Variants in ZNF76 observed in about 807,000 individuals in gnomAD.
ZNF76 encodes the protein zinc finger protein 523.
In ZNF76, 66 loss-of-function variants were observed where a neutral mutation model predicts 66.9. The ratio of observed to expected loss-of-function variants is 0.99; its 90% CI spans 0.81 to 1.21. The LOEUF (loss-of-function observed/expected upper bound fraction) is 1.21. ZNF76 is among the 50% of genes most tolerant of loss of function. ZNF76 has a pLI of 0.00. For missense variants in ZNF76, 729 were observed against 760.3 expected (o/e 0.96, Z 0.48); for synonymous variants, 275 against 296.1 (o/e 0.93, Z 0.73).
In ZNF76 at chr6:35,291,686, C is replaced by A. The variant is rs372862207; in HGVS notation, c.880C>A (p.Arg294Ser). The A allele has an allele frequency of 6.2e-7, 1 of 1,613,280 alleles. No homozygotes were observed. The highest frequency in any genetic ancestry group is 1.3e-5 in the African/African-American group (1 of 75,020). The change falls in exon 9 of 14, where the codon CGC becomes AGC. Residue 294 changes from arginine to serine, a missense_variant. By Grantham distance (110) the Arg-to-Ser change is moderately radical. Transcript: ENST00000373953. ...PYTCPEPHCGRGFTSATNYKN... is the reference protein window; with the variant it reads ...PYTCPEPHCGSGFTSATNYKN... ...CACCTGCCCGGAGCCCCACTGTGGC[C>A]GCGGCTTCACCAGCGCCACCAACTA...
At chr6:35,270,982 A>G (rs2150345948) in intron 1 of ZNF76, among the ~76,000 whole-genome samples, 1 of 137,910 alleles carries the variant, frequency 7.3e-6, no homozygotes. Flanking sequence ...ACTTCGTCTC[A>G]TAAATAAATA....
intron 1 of ZNF76, among the ~76,000 whole-genome samples, chr6:35,270,039 C>T (rs1195225430): frequency 2.0e-5 from 3 of 152,218 alleles, no homozygotes; most frequent in African/African-American, 7.2e-5. Flanking sequence ...CATAGATATT[C>T]CTGTAACCAA....
At chr6:35,273,849 T>C (rs1399057886) in intron 1 of ZNF76, among the ~76,000 whole-genome samples, 1 of 124,716 alleles carries the variant, frequency 8.0e-6, no homozygotes, top group Non-Finnish European at 1.8e-5. Flanking sequence ...TGGCGCTTCT[T>C]CTTTTAAAAA....
At chr6:35,267,697 A>G (rs1786363013) in intron 1 of ZNF76, among the ~76,000 whole-genome samples, 1 of 152,200 alleles carries the variant, frequency 6.6e-6, no homozygotes, top group African/African-American at 2.4e-5. Context: ...TTGTGGCTTC[A>G]CTGCCAAGTG....
chr6:35,291,554 A>G lies in ZNF76; in HGVS notation c.752-4A>G, dbSNP rs1425644889. On this transcript the variant is annotated splice_polypyrimidine_tract_variant and splice_region_variant and intron_variant, in intron 8 of 13. Transcript: ENST00000373953. Reference sequence around the variant, plus strand: ...CCCCTCCTCACATCCCACCATTTGCATAGGTGAACGCCCGTTCCAGTGCCC... The same window carrying G: ...CCCCTCCTCACATCCCACCATTTGCGTAGGTGAACGCCCGTTCCAGTGCCC... The G allele has an allele frequency of 3.1e-6, 5 of 1,611,142 alleles. No homozygotes were observed. The highest frequency in any genetic ancestry group is 1.7e-5 in the Admixed American group (1 of 59,962).
chr6:35,293,772 C>T lies in ZNF76; in HGVS notation c.1351C>T (p.Leu451=). The change falls in exon 12 of 14, where the codon CTG becomes TTG. Residue 451 remains leucine, a synonymous_variant. Coordinates refer to ENST00000373953, the MANE Select transcript of ZNF76 (RefSeq NM_003427.5). ...AQQVSLSPED[L]QALGSAISMV... ...GCAGGTCAGCCTGTCCCCGGAAGAC[C>T]TGCAGGCCCTGGGGAGTGCCATCAG... 1 of 1,614,098 alleles carries T rather than the reference C, an allele frequency of 6.2e-7. No homozygotes were observed. The highest frequency in any genetic ancestry group is 8.5e-7 in the Non-Finnish European group (1 of 1,180,002).
intron 5 of ZNF76, among the ~76,000 whole-genome samples, chr6:35,289,536 A>C (rs1256104613): frequency 1.3e-5 from 2 of 152,192 alleles, no homozygotes; most frequent in Non-Finnish European, 2.9e-5. Context: ...AGACTAAGGG[A>C]TAGTCCCACC....
chr6:35,271,576 A>G (rs1208347201), intron 1 of ZNF76, among the ~76,000 whole-genome samples: 2 of 152,080 alleles, frequency 1.3e-5, no homozygotes, highest in East Asian at 3.9e-4. Flanking sequence ...AGGCTGAGGC[A>G]GGAGAATCAC....
chr6:35,291,668 C>T lies in ZNF76; in HGVS notation c.862C>T (p.Pro288Ser). The T allele has an allele frequency of 6.2e-7, 1 of 1,613,838 alleles. No individual in the cohort carries two copies. The change falls in exon 9 of 14, where the codon CCG (proline) becomes TCG (serine). Residue 288 changes from proline (P) to serine (S), a missense_variant. Physicochemically the swap from Pro to Ser is moderately conservative, Grantham distance 74. Transcript: ENST00000373953. ...THTGERPYTCPEPHCGRGFTS... is the reference protein window; with the variant it reads ...THTGERPYTCSEPHCGRGFTS... ...CACAGGCGAGAGGCCCTACACCTGC[C>T]CGGAGCCCCACTGTGGCCGCGGCTT...
At chr6:35,270,751 G>A (rs1456787413) in intron 1 of ZNF76, among the ~76,000 whole-genome samples, 1 of 152,078 alleles carries the variant, frequency 6.6e-6, no homozygotes. Flanking sequence ...TAGAGATGGG[G>A]TTTCACCATG....
At chr6:35,293,721 T>G in intron 11 of ZNF76, 30 bp from the exon 12 acceptor site, 1 of 1,610,304 alleles carries the variant, frequency 6.2e-7, no homozygotes, top group South Asian at 1.1e-5. Context: ...CCACTGACAC[T>G]GCCAGCTCAT....
At chr6:35,278,314 A>G (rs1013724270) in intron 1 of ZNF76, among the ~76,000 whole-genome samples, 1 of 152,132 alleles carries the variant, frequency 6.6e-6, no homozygotes, top group Non-Finnish European at 1.5e-5. Flanking sequence ...GATTACAGGC[A>G]TGTGCCACCA....
chr6:35,264,544 T>G (rs1445656864), intron 1 of ZNF76, among the ~76,000 whole-genome samples: 4 of 152,236 alleles, frequency 2.6e-5, no homozygotes, highest in Non-Finnish European at 5.9e-5. Flanking sequence ...AGGTTCATTA[T>G]ACCATTCTTT....
intron 1 of ZNF76, among the ~76,000 whole-genome samples, chr6:35,268,415 ATTAGT>A (rs1194756597): frequency 6.6e-6 from 1 of 152,154 alleles, no homozygotes; most frequent in African/African-American, 2.4e-5. Context: ...CACCCACAAA[ATTAGT>A]TTAGAGGAGA....
chr6:35,263,505 A>G (rs1785549138), intron 1 of ZNF76, among the ~76,000 whole-genome samples: 1 of 152,202 alleles, frequency 6.6e-6, no homozygotes, highest in Admixed American at 6.5e-5. Context: ...TGGGTCACCA[A>G]ATTCCCAGGT....
intron 1 of ZNF76, among the ~76,000 whole-genome samples, chr6:35,271,354 T>G (rs764763799): frequency 6.6e-6 from 1 of 152,244 alleles, no homozygotes; most frequent in African/African-American, 2.4e-5. Context: ...CACAGCCTCA[T>G]GGACATTGCT....
chr6:35,291,195 G>A, intron 7 of ZNF76, 83 bp from the exon 8 acceptor site: 1 of 1,525,670 alleles, frequency 6.6e-7, no homozygotes, highest in East Asian at 2.5e-5. Context: ...AAAGGAGGTG[G>A]AGAGCCTGTG....
chr6:35,274,803 T>C (rs895868044), intron 1 of ZNF76, among the ~76,000 whole-genome samples: 1 of 152,186 alleles, frequency 6.6e-6, no homozygotes, highest in African/African-American at 2.4e-5. Flanking sequence ...CATCGATATA[T>C]TGCAAAGGTG....
chr6:35,265,172 A>G (rs1212562686), intron 1 of ZNF76, among the ~76,000 whole-genome samples: 2 of 152,018 alleles, frequency 1.3e-5, no homozygotes, highest in East Asian at 3.9e-4. Flanking sequence ...AAATAAGTAA[A>G]ATATATATTG....
Sources: allele counts gnomAD v4.1 joint callset (sites outside exome capture counted in the v4.1 genomes callset), GRCh38; gene constraint gnomAD v4.1.1; transcripts MANE v1.5; gene names NCBI Gene and HGNC (gene_info 2026-07-23, HGNC 2026-07-21).